Variants in ARMC12 observed in about 807,000 individuals in gnomAD.
ARMC12 encodes the protein armadillo repeat containing 12.
Under a neutral mutation model 37.4 loss-of-function variants are expected in ARMC12, and 25 were observed. That is an observed-to-expected ratio of 0.67 (90% CI 0.49 to 0.93). The LOEUF is 0.93. Among genes scored for constraint, ARMC12 ranks in the 40% least tolerant of loss-of-function variants. ARMC12 has a pLI of 0.00. For synonymous variants in ARMC12, 167 were observed against 176.1 expected (o/e 0.95, Z 0.41); for missense variants, 384 against 426.6 (o/e 0.90, Z 0.88).
chr6:35,739,665 G>A (rs1017617000), intron 3 of ARMC12, among the ~76,000 whole-genome samples: 1 of 152,168 alleles, frequency 6.6e-6, no homozygotes, highest in Non-Finnish European at 1.5e-5. Flanking sequence ...GTGGGCTTTT[G>A]TTACATTCCA....
chr6:35,743,537 C>G (rs72907455), intron 3 of ARMC12, among the ~76,000 whole-genome samples: 88 of 152,238 alleles, frequency 5.8e-4, no homozygotes, highest in Non-Finnish European at 1.0e-3. Context: ...CATCCTAGAA[C>G]CGAAGATCCC....
chr6:35,744,863 T>A (rs969825698), intron 3 of ARMC12, among the ~76,000 whole-genome samples: 2 of 152,198 alleles, frequency 1.3e-5, no homozygotes, highest in Non-Finnish European at 2.9e-5. Flanking sequence ...AATAAGCACA[T>A]GAAACCATGT....
intron 3 of ARMC12, among the ~76,000 whole-genome samples, chr6:35,738,901 T>C (rs1767080204): frequency 6.6e-6 from 1 of 152,166 alleles, no homozygotes; most frequent in African/African-American, 2.4e-5. Context: ...CCCCCAAGAC[T>C]TCCCCCCGAC....
chr6:35,734,801 CAAAAAAAAGAAAA>C (rs1419900809), upstream of ARMC12, among the ~76,000 whole-genome samples: 1 of 129,972 alleles, frequency 7.7e-6, no homozygotes, highest in East Asian at 2.2e-4. Context: ...GAACCTGTCT[CAAAAAAAAGAAAA>C]AAAAAAAAGA....
intron 3 of ARMC12, among the ~76,000 whole-genome samples, chr6:35,745,004 T>A (rs1040037417): frequency 6.6e-6 from 1 of 152,218 alleles, no homozygotes; most frequent in Non-Finnish European, 1.5e-5. Context: ...AAACCGGATC[T>A]TTCATATATT....
chr6:35,732,346 C>T (rs1459487994), upstream of ARMC12, among the ~76,000 whole-genome samples: 2 of 152,218 alleles, frequency 1.3e-5, no homozygotes, highest in Non-Finnish European at 2.9e-5. Flanking sequence ...TGAGCGTCCC[C>T]TGTGCACCGA....
intron 5 of ARMC12, among the ~76,000 whole-genome samples, chr6:35,748,254 C>T (rs970662705): frequency 6.6e-6 from 1 of 152,118 alleles, no homozygotes; most frequent in Non-Finnish European, 1.5e-5. Context: ...ATGCACAGTC[C>T]TCTCAAGCAC....
At chr6:35,740,464 A>G (rs896344756) in intron 3 of ARMC12, among the ~76,000 whole-genome samples, 5 of 152,136 alleles carry the variant, frequency 3.3e-5, no homozygotes, top group African/African-American at 1.2e-4. Flanking sequence ...AAACCAAAAA[A>G]GCCTCTCCCT....
At chr6:35,747,533 A>C in intron 4 of ARMC12, 43 bp from the exon 5 acceptor site, 1 of 1,613,224 alleles carries the variant, frequency 6.2e-7, no homozygotes, top group Non-Finnish European at 8.5e-7. Flanking sequence ...GCTGAGGCCC[A>C]GACTCACCTG....
chr6:35,748,929 A>G lies in ARMC12; in HGVS notation c.*59A>G. ...GAAACTTGAAGTTTCTTGAAGCTCG[A>G]ATGTCTGTTGGTGGCCTTCCAGGGC... On this transcript the variant is annotated 3_prime_UTR_variant, in exon 6 of 6. Coordinates refer to ENST00000373866, the MANE Select transcript of ARMC12 (RefSeq NM_001286574.2). 1 of 1,510,846 alleles carries G rather than the reference A, an allele frequency of 6.6e-7. No individual in the cohort carries two copies. The highest frequency in any genetic ancestry group is 8.9e-7 in the Non-Finnish European group (1 of 1,122,884). 93.6% of individuals were successfully genotyped at this position (1,510,846 alleles called of 1,614,324 possible).
At chr6:35,746,293 A>G (rs960946039) in intron 3 of ARMC12, among the ~76,000 whole-genome samples, 3 of 152,132 alleles carry the variant, frequency 2.0e-5, no homozygotes, top group African/African-American at 7.2e-5. Context: ...CAGCCTATGC[A>G]AACACCCTAA....
the ARMC12 span, among the ~76,000 whole-genome samples, chr6:35,731,721 G>C: frequency 5.0e-3 from 755 of 152,288 alleles, 6 homozygotes; most frequent in African/African-American, 0.014. Flanking sequence ...GGGTGAACTA[G>C]CGGGGGTTCT....
chr6:35,743,810 C>T (rs1236131483), intron 3 of ARMC12, among the ~76,000 whole-genome samples: 6 of 151,572 alleles, frequency 4.0e-5, no homozygotes, highest in Admixed American at 6.6e-5. Context: ...AAATCTTGAA[C>T]CCAGGAGGCC....
upstream of ARMC12, chr6:35,736,793 A>G (rs762286989): frequency 2.7e-5 from 9 of 336,942 alleles, no homozygotes; most frequent in Non-Finnish European, 5.1e-5. Flanking sequence ...TATTTTTAAT[A>G]GAGACAAGGT....
At position 35,738,007 on chromosome 6, in the gene ARMC12, G is replaced by C. The variant is rs1374253808; in HGVS notation, c.164-20G>C. On this transcript the variant is annotated intron_variant, in intron 1 of 5. Coordinates refer to ENST00000373866, the MANE Select transcript of ARMC12 (RefSeq NM_001286574.2). Reference sequence around the variant, plus strand: ...CACTTCTGAGTCCACAGCCTGAACTGGGCTGGGGTGGCTGTCTAGGCCTGG... The same window carrying C: ...CACTTCTGAGTCCACAGCCTGAACTCGGCTGGGGTGGCTGTCTAGGCCTGG... The C allele has an allele frequency of 1.2e-6, 2 of 1,611,356 alleles. No homozygotes were observed. Among genetic ancestry groups the C allele is most frequent in the Non-Finnish European group, 1.7e-6 (2 of 1,180,004 alleles).
At chr6:35,736,587 T>C (rs1766969753), upstream of ARMC12, among the ~76,000 whole-genome samples, 1 of 151,906 alleles carries the variant, frequency 6.6e-6, no homozygotes, top group Admixed American at 6.6e-5. Flanking sequence ...TTATGCTTCA[T>C]CTCCTGTGGT....
rs1470288867 is a variant in ARMC12, at chr6:35,738,284, G to C, written c.310-100G>C. On this transcript the variant is annotated intron_variant, in intron 2 of 5. Transcript: ENST00000373866. ...CTGGGACCTCTCTCTGGCTGATAGC[G>C]GTGGGGGGGGGGTGTGCGGAGGGAT... 2.9e-4 allele frequency: 322 copies of C among 1,105,468 alleles called. 3 individuals carry two copies. The highest frequency in any genetic ancestry group is 2.3e-3 in the South Asian group (138 of 60,674). The allele number at this position is 1,105,468 out of a possible 1,614,324, so 68.5% of individuals were successfully genotyped here.
At chr6:35,732,756 T>A (rs1416016087), upstream of ARMC12, among the ~76,000 whole-genome samples, 1 of 152,072 alleles carries the variant, frequency 6.6e-6, no homozygotes, top group African/African-American at 2.4e-5. Flanking sequence ...AGGAACACAG[T>A]TTAGGGGAAT....
At chr6:35,737,533 A>G (rs546273614) in intron 1 of ARMC12, among the ~76,000 whole-genome samples, 23 of 152,314 alleles carry the variant, frequency 1.5e-4, no homozygotes, top group Non-Finnish European at 3.1e-4. Flanking sequence ...TCTGGCTCCC[A>G]GGATTCCACT....
Sources: gnomAD v4.1 joint callset for allele counts (sites outside exome capture counted in the v4.1 genomes callset) on GRCh38, gnomAD v4.1.1 for gene constraint, MANE v1.5 for transcripts, NCBI Gene and HGNC (gene_info 2026-07-23, HGNC 2026-07-21) for gene names.